STXBP4: variants seen among roughly 807,000 people sequenced by gnomAD.
STXBP4 encodes the protein syntaxin binding protein 4, also known as syntaxin-binding protein 4.
Under a neutral mutation model 76.1 loss-of-function variants are expected in STXBP4, and 55 were observed. That is an observed-to-expected ratio of 0.72 (90% CI 0.58 to 0.91). STXBP4 has a LOEUF of 0.91. STXBP4 is among the 40% of genes least tolerant of loss of function. The pLI, the probability that STXBP4 is intolerant of heterozygous loss-of-function variation, is 0.00. For synonymous variants in STXBP4, 201 were observed against 220.2 expected, an observed-to-expected ratio of 0.91 and a Z score of 0.77; for missense variants, 618 against 636.9, an observed-to-expected ratio of 0.97 and a Z score of 0.32.
At chr17:55,156,125 C>T (rs945346947) in intron 17 of STXBP4, among the ~76,000 whole-genome samples, 2 of 152,140 alleles carry the variant, frequency 1.3e-5, no homozygotes, top group African/African-American at 2.4e-5. Context: ...ACTGTTTGTT[C>T]AAATGGAAAA....
intron 17 of STXBP4, among the ~76,000 whole-genome samples, chr17:55,158,651 AAT>A (rs778863268): frequency 3.3e-5 from 5 of 152,172 alleles, no homozygotes; most frequent in African/African-American, 4.8e-5. Context: ...AGACATACCC[AAT>A]ATCTTTTGTA....
chr17:55,161,005 G>A lies in STXBP4; in HGVS notation c.*1094G>A, dbSNP rs1315164769. The A allele has an allele frequency of 3.9e-5, 6 of 152,308 alleles. No individual in the cohort carries two copies. The allele number at this position is 152,308 out of a possible 1,614,324, so 9.4% of individuals were successfully genotyped here. On this transcript the variant is annotated 3_prime_UTR_variant, in exon 18 of 18. Coordinates refer to ENST00000376352, the MANE Select transcript of STXBP4 (RefSeq NM_178509.6). ...CTGCTCTACTCGAAACAAGATGGAA[G>A]CCTAAAGCCCAAGTCGAGCAGCTCC...
intron 1 of STXBP4, among the ~76,000 whole-genome samples, chr17:54,983,999 C>T (rs931441501): frequency 2.0e-5 from 3 of 152,184 alleles, no homozygotes; most frequent in Admixed American, 1.3e-4. Flanking sequence ...TTGCTACTGA[C>T]ATTGTGGCTT....
At chr17:55,061,753 G>A (rs1487838329) in intron 12 of STXBP4, among the ~76,000 whole-genome samples, 1 of 152,148 alleles carries the variant, frequency 6.6e-6, no homozygotes, top group Non-Finnish European at 1.5e-5. Context: ...TTTGGGATTG[G>A]TTCTTTTTAC....
the STXBP4 span, among the ~76,000 whole-genome samples, chr17:55,189,821 T>A: frequency 4.6e-5 from 7 of 151,958 alleles, no homozygotes; most frequent in East Asian, 1.4e-3. Flanking sequence ...GTGGGAAGAG[T>A]GACTGTAAAT....
chr17:55,052,319 A>G (rs765886117), intron 12 of STXBP4, among the ~76,000 whole-genome samples: 14 of 152,218 alleles, frequency 9.2e-5, no homozygotes, highest in African/African-American at 3.4e-4. Context: ...TCCACTGGCC[A>G]AATATGGAAG....
chr17:55,181,789 T>C, the STXBP4 span, among the ~76,000 whole-genome samples: 4 of 152,332 alleles, frequency 2.6e-5, no homozygotes, highest in East Asian at 7.7e-4. Context: ...GGGTATCTGC[T>C]GATTCTAGAA....
chr17:55,074,364 A>T (rs2079156069), intron 13 of STXBP4, among the ~76,000 whole-genome samples: 1 of 152,176 alleles, frequency 6.6e-6, no homozygotes, highest in Non-Finnish European at 1.5e-5. Context: ...AGAGGAAAAC[A>T]TATAGTTTAC....
At chr17:55,189,010 G>A in the STXBP4 span, among the ~76,000 whole-genome samples, 2,227 of 152,072 alleles carry the variant, frequency 0.015, 55 homozygotes, top group African/African-American at 0.051. Flanking sequence ...ATCAAAGCCT[G>A]CCACCTCTGG....
chr17:55,019,244 G>C (rs771826670), intron 8 of STXBP4, among the ~76,000 whole-genome samples: 2 of 150,988 alleles, frequency 1.3e-5, no homozygotes, highest in Non-Finnish European at 1.5e-5. Flanking sequence ...GTATTCTTTT[G>C]GTTTGATTAT....
chr17:55,111,855 C>T (rs2079722138), intron 16 of STXBP4, among the ~76,000 whole-genome samples: 1 of 152,086 alleles, frequency 6.6e-6, no homozygotes, highest in Admixed American at 6.6e-5. Flanking sequence ...AATGGTATTC[C>T]TTCAGACCTT....
chr17:55,091,114 T>G (rs2079407857), intron 16 of STXBP4, among the ~76,000 whole-genome samples: 1 of 152,100 alleles, frequency 6.6e-6, no homozygotes, highest in South Asian at 2.1e-4. Flanking sequence ...AAATTGCTCA[T>G]GTATTAGGCA....
intron 1 of STXBP4, among the ~76,000 whole-genome samples, chr17:54,981,240 C>A (rs1462843823): frequency 2.0e-5 from 3 of 151,866 alleles, no homozygotes; most frequent in Non-Finnish European, 4.4e-5. Context: ...GATAAGAATA[C>A]TTTGAATTTA....
chr17:54,998,990 C>T (rs922426922), intron 4 of STXBP4, among the ~76,000 whole-genome samples: 4 of 152,068 alleles, frequency 2.6e-5, no homozygotes, highest in Non-Finnish European at 5.9e-5. Context: ...AAATATCCCA[C>T]AGTTATTTGG....
intron 16 of STXBP4, among the ~76,000 whole-genome samples, chr17:55,123,432 T>G (rs2079868737): frequency 6.6e-6 from 1 of 152,198 alleles, no homozygotes; most frequent in South Asian, 2.1e-4. Flanking sequence ...AAATGAGAGA[T>G]AATTCTCATA....
At chr17:55,081,019 T>C (rs2079248478) in intron 15 of STXBP4, 31 bp from the exon 16 acceptor site, 3 of 1,421,278 alleles carry the variant, frequency 2.1e-6, no homozygotes, top group Non-Finnish European at 2.8e-6. Flanking sequence ...TATTGTGTAG[T>C]AAGTTCAACT....
intron 8 of STXBP4, among the ~76,000 whole-genome samples, chr17:55,019,205 T>TA (rs1377514282): frequency 2.0e-5 from 3 of 152,206 alleles, no homozygotes; most frequent in Admixed American, 1.3e-4. Flanking sequence ...CTCCTTTTTT[T>TA]ATCACTTATT....
intron 16 of STXBP4, among the ~76,000 whole-genome samples, chr17:55,108,018 C>T (rs2079657280): frequency 6.6e-6 from 1 of 152,242 alleles, no homozygotes; most frequent in Non-Finnish European, 1.5e-5. Context: ...GCTGTGGCCA[C>T]AGCAGTCCCT....
At chr17:55,061,763 C>T (rs573352366) in intron 12 of STXBP4, among the ~76,000 whole-genome samples, 5 of 152,288 alleles carry the variant, frequency 3.3e-5, no homozygotes, top group Non-Finnish European at 5.9e-5. Flanking sequence ...GTTCTTTTTA[C>T]TCAGCAATAA....
Sources: allele counts gnomAD v4.1 joint callset (sites outside exome capture counted in the v4.1 genomes callset), GRCh38; gene constraint gnomAD v4.1.1; transcripts MANE v1.5; gene names NCBI Gene and HGNC (gene_info 2026-07-23, HGNC 2026-07-21).